GREB1L: variants seen among roughly 807,000 people sequenced by gnomAD.
The protein encoded by GREB1L is GREB1-like protein.
A neutral mutation model predicts 200.8 loss-of-function variants in GREB1L; 17 were observed. The ratio of observed to expected loss-of-function variants is 0.08; its 90% CI spans 0.06 to 0.13. The LOEUF (loss-of-function observed/expected upper bound fraction) is 0.13, where lower values mean the gene tolerates loss of function less well. GREB1L is among the 10% of genes least tolerant of loss of function. GREB1L has a pLI of 1.00. For missense variants in GREB1L, 1,657 were observed against 2,367.7 expected (o/e 0.70, Z 6.23); for synonymous variants, 789 against 893.0 (o/e 0.88, Z 2.08).
intron 7 of GREB1L, among the ~76,000 whole-genome samples, chr18:21,426,973 C>CAAAAA (rs56776768): frequency 2.4e-5 from 2 of 83,788 alleles, no homozygotes; most frequent in African/African-American, 3.2e-5. Context: ...AAAAAAAAAA[C>CAAAAA]AAAAAAAAAA....
At chr18:21,499,023 G>A (rs904501560) in intron 21 of GREB1L, among the ~76,000 whole-genome samples, 6 of 152,220 alleles carry the variant, frequency 3.9e-5, no homozygotes, top group African/African-American at 1.4e-4. Flanking sequence ...GGTCAAATAT[G>A]TGGGGCTACT....
chr18:21,391,815 T>C (rs1054120313), intron 4 of GREB1L, among the ~76,000 whole-genome samples: 11 of 152,362 alleles, frequency 7.2e-5, no homozygotes, highest in South Asian at 6.2e-4. Context: ...TGTTTATTTA[T>C]TTATTTATTT....
chr18:21,378,384 TTTTTA>T (rs1486951108), intron 2 of GREB1L, among the ~76,000 whole-genome samples: 2 of 152,154 alleles, frequency 1.3e-5, no homozygotes, highest in Non-Finnish European at 2.9e-5. Context: ...TTATTTTTAT[TTTTTA>T]TTTTATTTTA....
intron 13 of GREB1L, among the ~76,000 whole-genome samples, chr18:21,451,846 G>A (rs1256784212): frequency 1.3e-5 from 2 of 152,096 alleles, no homozygotes. Context: ...TATTAGGGAA[G>A]TCAAGAGAGA....
chr18:21,386,944 C>A (rs1316352895), intron 4 of GREB1L, among the ~76,000 whole-genome samples: 4 of 152,228 alleles, frequency 2.6e-5, no homozygotes, highest in Non-Finnish European at 5.9e-5. Context: ...AAGCATACCA[C>A]CTTCCCTTCA....
At chr18:21,391,447 G>T (rs1361430690) in intron 4 of GREB1L, among the ~76,000 whole-genome samples, 1 of 152,192 alleles carries the variant, frequency 6.6e-6, no homozygotes, top group Non-Finnish European at 1.5e-5. Context: ...CAACAAAATC[G>T]CCTCTTAGAA....
chr18:21,341,951 G>A lies in GREB1L; in HGVS notation c.-119-24076G>A, dbSNP rs146607752. Among the ~76,000 whole-genome samples, 51 of 152,050 alleles carry A rather than the reference G, an allele frequency of 3.4e-4. No homozygotes were observed. In the East Asian group the frequency reaches 9.7e-3, roughly 29 times the overall value. The stretch of plus-strand genomic sequence containing the variant: ...TGAACTGCTTTTGTTGGTGGTGAGG[G>A]GCCATTGTTATAATCAAACAAAACT... On this transcript the variant is annotated intron_variant, in intron 1 of 32. Transcript: ENST00000424526.
At chr18:21,469,406 G>GT (rs567678417) in intron 15 of GREB1L, among the ~76,000 whole-genome samples, 35 of 152,038 alleles carry the variant, frequency 2.3e-4, no homozygotes, top group Middle Eastern at 3.4e-3. Flanking sequence ...GGCTCTTGTG[G>GT]TTTTTTTTAA....
chr18:21,512,065 A>C (rs990034951), intron 27 of GREB1L, among the ~76,000 whole-genome samples: 3 of 152,232 alleles, frequency 2.0e-5, no homozygotes, highest in Non-Finnish European at 4.4e-5. Context: ...GGCCCAGATC[A>C]AAACTACCAC....
intron 1 of GREB1L, among the ~76,000 whole-genome samples, chr18:21,333,534 G>T (rs564238248): frequency 9.8e-4 from 149 of 152,152 alleles, no homozygotes; most frequent in African/African-American, 3.5e-3. Context: ...AATTAGCTGG[G>T]TGTGGTGGCA....
intron 1 of GREB1L, among the ~76,000 whole-genome samples, chr18:21,254,973 T>A (rs554612579): frequency 6.6e-6 from 1 of 152,302 alleles, no homozygotes; most frequent in South Asian, 2.1e-4. Flanking sequence ...CCATAACTGA[T>A]GTAGAATATT....
intron 19 of GREB1L, among the ~76,000 whole-genome samples, chr18:21,491,595 C>G (rs985512722): frequency 2.6e-5 from 4 of 151,756 alleles, no homozygotes; most frequent in African/African-American, 9.7e-5. Context: ...TGCCTGTATT[C>G]CCAGCTACTC....
chr18:21,270,819 TAAA>T (rs2038066275), intron 1 of GREB1L, among the ~76,000 whole-genome samples: 1 of 152,212 alleles, frequency 6.6e-6, no homozygotes, highest in Admixed American at 6.5e-5. Flanking sequence ...TTGGAAGTAA[TAAA>T]AATAACTGCT....
chr18:21,380,589 G>A (rs112058283), intron 2 of GREB1L: 21 of 152,332 alleles, frequency 1.4e-4, no homozygotes, highest in African/African-American at 4.6e-4. Context: ...TAGATACTGA[G>A]TCCTGGCTCT....
chr18:21,454,680 A>T (rs1745000651), intron 15 of GREB1L, 117 bp downstream of exon 15: 1 of 801,992 alleles, frequency 1.2e-6, no homozygotes, highest in Non-Finnish European at 2.1e-6. Context: ...TCAGTAATAA[A>T]AATCATAAAA....
intron 7 of GREB1L, among the ~76,000 whole-genome samples, chr18:21,425,531 T>G (rs937337767): frequency 2.0e-5 from 3 of 152,232 alleles, no homozygotes; most frequent in Non-Finnish European, 2.9e-5. Context: ...GATTCAAATT[T>G]CTCCATATCC....
At chr18:21,467,089 C>A (rs2035287818) in intron 15 of GREB1L, among the ~76,000 whole-genome samples, 1 of 152,060 alleles carries the variant, frequency 6.6e-6, no homozygotes, top group Non-Finnish European at 1.5e-5. Context: ...ACCTCACATA[C>A]AAAAAATAAC....
intron 23 of GREB1L, among the ~76,000 whole-genome samples, chr18:21,505,080 C>T (rs976877389): frequency 6.6e-6 from 1 of 152,182 alleles, no homozygotes; most frequent in Non-Finnish European, 1.5e-5. Flanking sequence ...AGTATATTAA[C>T]ACCCCACAGT....
intron 1 of GREB1L, among the ~76,000 whole-genome samples, chr18:21,243,460 T>G (rs1221592967): frequency 6.6e-6 from 1 of 152,220 alleles, no homozygotes; most frequent in Non-Finnish European, 1.5e-5. Flanking sequence ...CATTTTAATT[T>G]CTGCTTTTCA....
Sources: allele counts gnomAD v4.1 joint callset (sites outside exome capture counted in the v4.1 genomes callset), GRCh38; gene constraint gnomAD v4.1.1; transcripts MANE v1.5; gene names NCBI Gene and HGNC (gene_info 2026-07-23, HGNC 2026-07-21).